ZNF8: variants seen among roughly 807,000 people sequenced by gnomAD.
ZNF8 encodes zinc finger protein 8.
A neutral mutation model predicts 12.2 loss-of-function variants in ZNF8; 9 were observed. That is an observed-to-expected ratio of 0.73 (90% confidence interval 0.44 to 1.28). ZNF8 has a LOEUF of 1.28. Ranked by LOEUF, ZNF8 falls within the 50% of genes most tolerant of loss-of-function variation. ZNF8 has a pLI of 0.00. For synonymous variants in ZNF8, 274 were observed against 282.3 expected, an observed-to-expected ratio of 0.97 and a Z score of 0.30; for missense variants, 664 against 729.1, an observed-to-expected ratio of 0.91 and a Z score of 1.03.
At position 58,292,848 on chromosome 19, in the gene ZNF8, T is replaced by C. The variant is rs139603257; in HGVS notation, c.290-1250T>C. Among the ~76,000 whole-genome samples, 1,008 of 152,322 alleles carry C rather than the reference T, an allele frequency of 6.6e-3. 7 individuals carry two copies. The highest frequency in any genetic ancestry group is 0.021 in the African/African-American group (893 of 41,554). ...GGGGCATTTGGGTTGTTTCTACTTT[T>C]GGCTATTAATTAATAGTGCCACTAT... On this transcript the variant is annotated intron_variant, in intron 3 of 3. Coordinates refer to ENST00000621650, the MANE Select transcript of ZNF8 (RefSeq NM_021089.3).
rs1170253316 is a variant in ZNF8, at chr19:58,294,358, C to G, written c.550C>G (p.Leu184Val). 1.9e-6 allele frequency: 3 copies of G among 1,614,002 alleles called. No individual in the cohort carries two copies. The highest frequency in any genetic ancestry group is 1.3e-5 in the African/African-American group (1 of 74,920). ...KTLRLRENCVLSSSPNPFPEI... is the reference protein window; with the variant it reads ...KTLRLRENCVVSSSPNPFPEI... ...TCTCAGACTCAGGGAAAACTGCGTC[C>G]TGAGTTCAAGCCCAAATCCATTCCC... The change falls in exon 4 of 4, where the codon CTG becomes GTG. Residue 184 changes from leucine to valine, a missense_variant. Leu to Val is a conservative substitution (Grantham distance 32). Coordinates refer to ENST00000621650, the MANE Select transcript of ZNF8 (RefSeq NM_021089.3). This position sits in a 1 kb window ranked among gnomAD's most constrained non-coding sequence, Gnocchi z 5.5.
At chr19:58,291,175 T>C (rs2051417331) in intron 3 of ZNF8, among the ~76,000 whole-genome samples, 1 of 152,210 alleles carries the variant, frequency 6.6e-6, no homozygotes, top group Non-Finnish European at 1.5e-5. Flanking sequence ...CATTCCTTAC[T>C]GGTTCCCTCT....
rs1453270510 is a variant in ZNF8, at chr19:58,302,766, T to G, written c.*7230T>G. 6.6e-6 allele frequency: 1 copy of G among 152,230 alleles called. No homozygotes were observed. The highest frequency in any genetic ancestry group is 6.5e-5 in the Admixed American group (1 of 15,284). 9.4% of individuals were successfully genotyped at this position (152,230 alleles called of 1,614,324 possible). On this transcript the variant is annotated 3_prime_UTR_variant, in exon 4 of 4. Transcript: ENST00000621650. ...CATAAACCCTTTGTCTAAGCAAACT[T>G]GCTGGGAATAAATCCTACACATATA...
chr19:58,287,695 A>G (rs1438894677), intron 3 of ZNF8, among the ~76,000 whole-genome samples: 1 of 127,812 alleles, frequency 7.8e-6, no homozygotes, highest in Non-Finnish European at 1.6e-5. Flanking sequence ...AGGCTGGAGT[A>G]CAGTTGCATT....
At chr19:58,282,353 G>C (rs1478988008) in intron 1 of ZNF8, among the ~76,000 whole-genome samples, 2 of 152,096 alleles carry the variant, frequency 1.3e-5, no homozygotes, top group African/African-American at 4.8e-5. Flanking sequence ...TTACTGAGTT[G>C]TATGTGTTCA....
Position 58,283,692 on chromosome 19 carries a change from C to T in ZNF8, c.67-2025C>T, listed in dbSNP as rs377231640. ...TTGACTCACTGCAAGCTCTGCCTCC[C>T]GGGTTCACACCATTCTCCTGCCTCA... On this transcript the variant is annotated intron_variant, in intron 1 of 3. Transcript: ENST00000621650. 8.6e-5 allele frequency among the ~76,000 whole-genome samples: 13 copies of T among 151,200 alleles called. No individual in the cohort carries two copies. The East Asian group carries it at 1.6e-3, about 18-fold the overall frequency.
intron 1 of ZNF8, among the ~76,000 whole-genome samples, chr19:58,283,710 C>T (rs2147954480): frequency 6.6e-6 from 1 of 151,538 alleles, no homozygotes; most frequent in African/African-American, 2.4e-5. Flanking sequence ...CACCATTCTC[C>T]TGCCTCAGCC....
chr19:58,279,523 G>C, intron 1 of ZNF8: 1 of 1,500,188 alleles, frequency 6.7e-7, no homozygotes, highest in Non-Finnish European at 8.9e-7. Context: ...AGCGTTGGCC[G>C]GGTGCCCAGA....
Position 58,295,320 on chromosome 19 carries a change from A to C in ZNF8, c.1512A>C (p.Gln504His). Residue 504 changes from glutamine (Q) to histidine (H), a missense_variant, in exon 4 of 4, where the codon CAA (glutamine) becomes CAC (histidine). By Grantham distance (24) the Gln-to-His change is conservative (BLOSUM62 0). Coordinates refer to ENST00000621650, the MANE Select transcript of ZNF8 (RefSeq NM_021089.3). The part of the protein sequence containing the change: ...QPHGRSRRRE[Q>H]SSSRNSHLVQ... ...ATGGGCGAAGCCGGCGGCGTGAACA[A>C]TCCTCGAGCAGGAACTCACACCTGG... The C allele has an allele frequency of 2.5e-6, 4 of 1,614,130 alleles. No homozygotes were observed. Among genetic ancestry groups the C allele is most frequent in the Non-Finnish European group, 2.5e-6 (3 of 1,180,020 alleles).
At position 58,295,824 on chromosome 19, in the gene ZNF8, C is replaced by T. The variant is rs1452312705; in HGVS notation, c.*288C>T. 2 of 342,460 alleles carry T rather than the reference C, an allele frequency of 5.8e-6. No individual in the cohort carries two copies. Among genetic ancestry groups the T allele is most frequent in the South Asian group, 7.0e-5 (1 of 14,334 alleles). The allele number at this position is 342,460 out of a possible 1,614,324, so 21.2% of individuals were successfully genotyped here. A position where few individuals can be genotyped will look rare whatever the true frequency, so the allele number is the denominator to read the frequency against. ...TGTCAAAAAAAATCAATATGCGGCCCCATTTTGTAAAGGATCATTAAAATG... is the reference window on the plus strand; with the variant it reads ...TGTCAAAAAAAATCAATATGCGGCCTCATTTTGTAAAGGATCATTAAAATG... On this transcript the variant is annotated 3_prime_UTR_variant, in exon 4 of 4. Transcript: ENST00000621650.
Position 58,279,417 on chromosome 19 carries a change from C to G in ZNF8, c.66+270C>G, listed in dbSNP as rs920083534. On this transcript the variant is annotated intron_variant, in intron 1 of 3. Coordinates refer to ENST00000621650, the MANE Select transcript of ZNF8 (RefSeq NM_021089.3). ...TGGGGTCGGTCATTCCCGAGAGAATCGAGCAGGCCCATCTCCTGCGTTCTG... is the reference window on the plus strand; with the variant it reads ...TGGGGTCGGTCATTCCCGAGAGAATGGAGCAGGCCCATCTCCTGCGTTCTG... The G allele has an allele frequency of 2.6e-5, 38 of 1,445,018 alleles. No homozygotes were observed. The African/African-American group carries it at 4.4e-4, about 17-fold the overall frequency. 89.5% of individuals were successfully genotyped at this position (1,445,018 alleles called of 1,614,324 possible). A position where few individuals can be genotyped will look rare whatever the true frequency, so the allele number is the denominator to read the frequency against.
chr19:58,285,951 CATGAAG>C, intron 2 of ZNF8, 108 bp downstream of exon 2: 3 of 1,442,614 alleles, frequency 2.1e-6, no homozygotes, highest in Non-Finnish European at 2.8e-6. Flanking sequence ...ATGGGGAGTG[CATGAAG>C]AGGGAGGTCT....
Position 58,284,943 on chromosome 19 carries a change from G to A in ZNF8, c.67-774G>A, listed in dbSNP as rs140034810. Among the ~76,000 whole-genome samples the A allele has an allele frequency of 8.5e-5, 13 of 152,200 alleles. No homozygotes were observed. The East Asian group carries it at 2.1e-3, about 25-fold the overall frequency. On this transcript the variant is annotated intron_variant, in intron 1 of 3. Coordinates refer to ENST00000621650, the MANE Select transcript of ZNF8 (RefSeq NM_021089.3). ...CTGACAAAGGGACCTGTATTTTCCC[G>A]TAATCAGTGAGTTCTGAGTCCCTGC...
intron 3 of ZNF8, among the ~76,000 whole-genome samples, chr19:58,290,109 T>TA (rs138621198): frequency 2.1e-4 from 4 of 18,664 alleles, no homozygotes; most frequent in African/African-American, 6.0e-4. Context: ...TTCAAGATTC[T>TA]TTTTTTTTTT....
rs2051449670 is a variant in ZNF8, at chr19:58,295,591, C to T, written c.*55C>T. 2 of 1,406,100 alleles carry T rather than the reference C, an allele frequency of 1.4e-6. No homozygotes were observed. The highest frequency in any genetic ancestry group is 1.9e-6 in the Non-Finnish European group (2 of 1,027,256). 87.1% of individuals were successfully genotyped at this position (1,406,100 alleles called of 1,614,324 possible). On this transcript the variant is annotated 3_prime_UTR_variant, in exon 4 of 4. Coordinates refer to ENST00000621650, the MANE Select transcript of ZNF8 (RefSeq NM_021089.3). ...ACAAGTAAAAAATGTGGTAAGTCCA[C>T]ATAGTGTACTCATGGAAGGAGGGGC...
In ZNF8 at chr19:58,286,342, G is replaced by A; in HGVS notation, c.289+137G>A. On this transcript the variant is annotated intron_variant, in intron 3 of 3. Transcript: ENST00000621650. ...AGGAGTATACAGGACTCAGCATAGA[G>A]TCATGCTGACAGCTCTCAGTATAAT... is the stretch of plus-strand genomic sequence containing the variant. The A allele has an allele frequency of 1.0e-5, 7 of 671,418 alleles. No homozygotes were observed. The South Asian group carries it at 1.1e-4, about 11-fold the overall frequency. The allele number at this position is 671,418 out of a possible 1,614,324, so 41.6% of individuals were successfully genotyped here.
intron 3 of ZNF8, among the ~76,000 whole-genome samples, chr19:58,291,600 G>A (rs1357510999): frequency 6.6e-6 from 1 of 152,202 alleles, no homozygotes; most frequent in Non-Finnish European, 1.5e-5. Flanking sequence ...GCTGCTGTTT[G>A]TGCTGTGGAT....
intron 1 of ZNF8, among the ~76,000 whole-genome samples, chr19:58,283,948 A>G (rs2051366890): frequency 6.6e-6 from 1 of 152,184 alleles, no homozygotes; most frequent in Non-Finnish European, 1.5e-5. Context: ...AGAGAGAAAA[A>G]AAGCAACTTT....
At chr19:58,286,265 C>A in intron 3 of ZNF8, 60 bp downstream of exon 3, 2 of 1,469,186 alleles carry the variant, frequency 1.4e-6, no homozygotes, top group Non-Finnish European at 1.9e-6. Flanking sequence ...ACTGGAGATG[C>A]ACTTCATGGA....
Sources: gnomAD v4.1 joint callset for allele counts (sites outside exome capture counted in the v4.1 genomes callset) on GRCh38, gnomAD v4.1.1 for gene constraint, Gnocchi (gnomAD v3.1) non-coding constraint, MANE v1.5 for transcripts, NCBI Gene and HGNC (gene_info 2026-07-23, HGNC 2026-07-21) for gene names.